The following HIP1 variants were observed in gnomAD, a reference collection of about 807,000 sequenced individuals.
HIP1 encodes the protein huntingtin-interacting protein 1.
A neutral mutation model predicts 147.6 loss-of-function variants in HIP1; 65 were observed. The observed-to-expected ratio is 0.44, with a 90% CI of 0.36 to 0.54. The LOEUF (loss-of-function observed/expected upper bound fraction) is 0.54. HIP1 is among the 20% of genes least tolerant of loss of function. The pLI, the probability that HIP1 is intolerant of heterozygous loss-of-function variation, is 0.00. For missense variants in HIP1, 1,061 were observed against 1,299.6 expected (o/e 0.82, Z 2.82); for synonymous variants, 479 against 504.0 (o/e 0.95, Z 0.67).
chr7:75,539,763 A>T (rs891490412), intron 29 of HIP1, among the ~76,000 whole-genome samples: 26 of 152,250 alleles, frequency 1.7e-4, no homozygotes, highest in African/African-American at 6.3e-4. Flanking sequence ...CCATTCATTT[A>T]TCTATCCCAG....
intron 1 of HIP1, among the ~76,000 whole-genome samples, chr7:75,600,376 G>T (rs373105669): frequency 6.6e-6 from 1 of 152,112 alleles, no homozygotes; most frequent in Non-Finnish European, 1.5e-5. Context: ...CTCCCAAAGT[G>T]CTGAGATTAC....
At chr7:75,573,205 G>T (rs1795711445) in intron 8 of HIP1, among the ~76,000 whole-genome samples, 1 of 152,180 alleles carries the variant, frequency 6.6e-6, no homozygotes, top group Admixed American at 6.5e-5. Context: ...GGGACGACCA[G>T]CTACAGAGAG....
rs587596749 is a variant in HIP1 at position 75,610,062 on chromosome 7, C to T, written c.121-10815G>A. Among the ~76,000 whole-genome samples, 264 of 152,098 alleles carry T rather than the reference C, an allele frequency of 1.7e-3. 7 individuals carry two copies. The highest frequency in any genetic ancestry group is 3.4e-3 in the Middle Eastern group (1 of 294). On this transcript the variant is annotated intron_variant, in intron 1 of 30. Transcript: ENST00000336926. ...GGATTATAGGCCCACACCACCACACCTGGCTAATTTTTGTATTTTTAGTAG... is the reference window on the plus strand; with the variant it reads ...GGATTATAGGCCCACACCACCACACTTGGCTAATTTTTGTATTTTTAGTAG...
intron 1 of HIP1, among the ~76,000 whole-genome samples, chr7:75,721,863 G>A (rs1337847920): frequency 1.3e-5 from 2 of 152,176 alleles, no homozygotes; most frequent in Non-Finnish European, 2.9e-5. Context: ...TCATAGAGAG[G>A]GAAGAGGCAA....
At chr7:75,635,742 G>C (rs1161401260) in intron 1 of HIP1, among the ~76,000 whole-genome samples, 1 of 152,122 alleles carries the variant, frequency 6.6e-6, no homozygotes, top group African/African-American at 2.4e-5. Flanking sequence ...ATGCAGGGAC[G>C]CAATGTACAG....
intron 9 of HIP1, among the ~76,000 whole-genome samples, chr7:75,565,581 A>T (rs1554495362): frequency 6.6e-6 from 1 of 152,026 alleles, no homozygotes; most frequent in Non-Finnish European, 1.5e-5. Flanking sequence ...GGCATTTGGG[A>T]GTTATGGTCA....
intron 1 of HIP1, among the ~76,000 whole-genome samples, chr7:75,681,960 G>A (rs148435542): frequency 3.9e-4 from 58 of 149,362 alleles, no homozygotes; most frequent in African/African-American, 1.3e-3. Context: ...GTCAATAAAC[G>A]TCCATTAAAG....
In HIP1 at chr7:75,678,289, TTGCTCAAGATG is replaced by T. The variant is rs558016000; in HGVS notation, c.120+60501_120+60511del. On this transcript the variant is annotated intron_variant, in intron 1 of 30. Transcript: ENST00000336926. The stretch of plus-strand genomic sequence containing the variant: ...TTGTTGCAAATTAGCAAGAGATACT[TTGCTCAAGATG>T]TGGATGGCAGCCATGAAGGAGCAGT... Among the ~76,000 whole-genome samples the T allele has an allele frequency of 3.3e-3, 496 of 152,120 alleles. 3 individuals are homozygous for T. Among genetic ancestry groups the T allele is most frequent in the African/African-American group, 0.011 (465 of 41,514 alleles).
chr7:75,689,721 G>A (rs1476064073), intron 1 of HIP1, among the ~76,000 whole-genome samples: 1 of 152,112 alleles, frequency 6.6e-6, no homozygotes, highest in Non-Finnish European at 1.5e-5. Flanking sequence ...AATCCAGGGG[G>A]AGGGCTATTG....
chr7:75,623,716 C>T (rs1797937277), intron 1 of HIP1, among the ~76,000 whole-genome samples: 1 of 152,218 alleles, frequency 6.6e-6, no homozygotes, highest in Non-Finnish European at 1.5e-5. Flanking sequence ...CTCCCCAGAG[C>T]CTCTCCCTTG....
rs374954329 is a variant in HIP1, at chr7:75,624,777, C to G, written c.121-25530G>C. Reference sequence around the variant, plus strand: ...TTGACCCTCATGCCTTCTCTTCATGCCACCTCTCTAACCAAGATTAACTAC... The same window carrying G: ...TTGACCCTCATGCCTTCTCTTCATGGCACCTCTCTAACCAAGATTAACTAC... On this transcript the variant is annotated intron_variant, in intron 1 of 30. Coordinates refer to ENST00000336926, the MANE Select transcript of HIP1 (RefSeq NM_005338.7). Among the ~76,000 whole-genome samples, 7 of 152,250 alleles carry G rather than the reference C, an allele frequency of 4.6e-5. No individual in the cohort carries two copies. The East Asian group carries it at 1.2e-3, about 25-fold the overall frequency.
chr7:75,554,391 C>T (rs782043551), intron 20 of HIP1, 49 bp downstream of exon 20: 4 of 1,502,996 alleles, frequency 2.7e-6, no homozygotes, highest in African/African-American at 1.4e-5. Flanking sequence ...GCTTCTGAAC[C>T]CTGTCTGGCC....
intron 1 of HIP1, among the ~76,000 whole-genome samples, chr7:75,613,618 G>A (rs79406168): frequency 3.7e-4 from 57 of 152,262 alleles, no homozygotes; most frequent in African/African-American, 1.3e-3. Context: ...AGTACAGCCA[G>A]CAAGAAGTGG....
At chr7:75,649,102 G>T (rs1341223906) in intron 1 of HIP1, among the ~76,000 whole-genome samples, 4 of 151,830 alleles carry the variant, frequency 2.6e-5, no homozygotes, top group African/African-American at 9.7e-5. Context: ...CCGGCTCACC[G>T]CAAACTCCGC....
chr7:75,592,846 G>A (rs782641223), intron 2 of HIP1, among the ~76,000 whole-genome samples: 22 of 152,178 alleles, frequency 1.4e-4, no homozygotes, highest in African/African-American at 4.8e-4. Flanking sequence ...AGATGTAAGC[G>A]TCTTGAGAGA....
chr7:75,665,242 A>G (rs1217335920), intron 1 of HIP1, among the ~76,000 whole-genome samples: 1 of 152,144 alleles, frequency 6.6e-6, no homozygotes, highest in East Asian at 1.9e-4. Flanking sequence ...AGCCTGGGTG[A>G]CAGAGCAAGA....
At chr7:75,558,391 C>T in intron 14 of HIP1, 136 bp from the exon 15 acceptor site, 1 of 703,910 alleles carries the variant, frequency 1.4e-6, no homozygotes, top group Non-Finnish European at 2.5e-6. Context: ...GGCTGGGGTG[C>T]AGTGGCACAA....
chr7:75,732,495 C>T lies in HIP1; in HGVS notation c.120+6306G>A, dbSNP rs568236980. Among the ~76,000 whole-genome samples the T allele has an allele frequency of 1.4e-4, 22 of 152,158 alleles. No homozygotes were observed. The South Asian group carries it at 3.1e-3, about 21-fold the overall frequency. ...AAACAATCGTCCTGTCTCTGCCTGCCGAGTAGCTGGGACTACAGGCAGCAC... is the reference window on the plus strand; with the variant it reads ...AAACAATCGTCCTGTCTCTGCCTGCTGAGTAGCTGGGACTACAGGCAGCAC... On this transcript the variant is annotated intron_variant, in intron 1 of 30. Transcript: ENST00000336926.
intron 1 of HIP1, among the ~76,000 whole-genome samples, chr7:75,646,273 G>A (rs1277100173): frequency 6.6e-6 from 1 of 152,184 alleles, no homozygotes; most frequent in Non-Finnish European, 1.5e-5. Context: ...TTTTAGTAGA[G>A]ACGGGGTTTC....
Sources: gnomAD v4.1 joint callset for allele counts (sites outside exome capture counted in the v4.1 genomes callset) on GRCh38, gnomAD v4.1.1 for gene constraint, MANE v1.5 for transcripts, NCBI Gene and HGNC (gene_info 2026-07-23, HGNC 2026-07-21) for gene names.